HIBADH: variants seen among roughly 807,000 people sequenced by gnomAD.
HIBADH encodes 3-hydroxyisobutyrate dehydrogenase, also known as 3-hydroxyisobutyrate dehydrogenase, mitochondrial.
Under a neutral mutation model 36.1 loss-of-function variants are expected in HIBADH, and 25 were observed. The observed-to-expected ratio is 0.69, with a 90% CI of 0.50 to 0.97. HIBADH has a LOEUF of 0.97. HIBADH is among the 50% of genes least tolerant of loss of function. The pLI is 0.00. For synonymous variants in HIBADH, 160 were observed against 149.5 expected, an observed-to-expected ratio of 1.07 and a Z score of -0.51; for missense variants, 421 against 418.0, an observed-to-expected ratio of 1.01 and a Z score of -0.06.
At chr7:27,637,617 A>C (rs532704652) in intron 2 of HIBADH, among the ~76,000 whole-genome samples, 42 of 152,270 alleles carry the variant, frequency 2.8e-4, no homozygotes, top group African/African-American at 9.1e-4. Context: ...GCAAGAAATA[A>C]AAGGCATTCA....
At chr7:27,658,762 G>A (rs1042743442) in intron 1 of HIBADH, among the ~76,000 whole-genome samples, 5 of 152,060 alleles carry the variant, frequency 3.3e-5, no homozygotes, top group East Asian at 1.9e-4. Flanking sequence ...TCTATACAAT[G>A]TATGTCTATT....
chr7:27,533,115 T>G (rs1313317483), intron 6 of HIBADH, among the ~76,000 whole-genome samples: 1 of 152,166 alleles, frequency 6.6e-6, no homozygotes, highest in Admixed American at 6.6e-5. Flanking sequence ...TTCATCATAT[T>G]TAAAGCAGCA....
chr7:27,621,761 C>T (rs960265987), intron 4 of HIBADH, among the ~76,000 whole-genome samples: 6 of 152,182 alleles, frequency 3.9e-5, no homozygotes, highest in African/African-American at 1.4e-4. Flanking sequence ...CACTGCATTA[C>T]AGCCTGGGTG....
At chr7:27,587,169 A>G (rs572885454) in intron 4 of HIBADH, among the ~76,000 whole-genome samples, 8 of 152,344 alleles carry the variant, frequency 5.3e-5, no homozygotes, top group Non-Finnish European at 8.8e-5. Context: ...TGCTCACCAA[A>G]AAGTACCTCA....
At chr7:27,577,650 C>G (rs905744142) in intron 4 of HIBADH, among the ~76,000 whole-genome samples, 1 of 152,154 alleles carries the variant, frequency 6.6e-6, no homozygotes, top group African/African-American at 2.4e-5. Flanking sequence ...AAAGAGAAGA[C>G]TTTGGGTGTG....
At chr7:27,631,218 G>C (rs1034015328) in intron 3 of HIBADH, among the ~76,000 whole-genome samples, 1 of 152,148 alleles carries the variant, frequency 6.6e-6, no homozygotes, top group African/African-American at 2.4e-5. Flanking sequence ...ACTGTAACAG[G>C]CTAGGTAACA....
intron 4 of HIBADH, among the ~76,000 whole-genome samples, chr7:27,620,388 C>G (rs1045886050): frequency 6.6e-6 from 1 of 151,898 alleles, no homozygotes; most frequent in South Asian, 2.1e-4. Flanking sequence ...ATAAAGGGAC[C>G]CCCATAAGAC....
chr7:27,570,814 G>GT (rs1554296787), intron 4 of HIBADH, among the ~76,000 whole-genome samples: 1 of 151,902 alleles, frequency 6.6e-6, no homozygotes, highest in African/African-American at 2.4e-5. Flanking sequence ...TTGGTACTGC[G>GT]TAGTTTTACT....
At chr7:27,574,349 G>C (rs1562627010) in intron 4 of HIBADH, among the ~76,000 whole-genome samples, 1 of 151,752 alleles carries the variant, frequency 6.6e-6, no homozygotes, top group African/African-American at 2.4e-5. Flanking sequence ...ATCCCACGAA[G>C]AATCTCTGAA....
chr7:27,615,227 A>G (rs1270685431), intron 4 of HIBADH, among the ~76,000 whole-genome samples: 1 of 152,254 alleles, frequency 6.6e-6, no homozygotes, highest in African/African-American at 2.4e-5. Context: ...AGAAGACAGG[A>G]GGCCACCAAG....
chr7:27,613,622 T>C (rs1006816888), intron 4 of HIBADH, among the ~76,000 whole-genome samples: 1 of 150,880 alleles, frequency 6.6e-6, no homozygotes, highest in African/African-American at 2.4e-5. Context: ...GCTGTATAGA[T>C]TAAATCTAGT....
At chr7:27,526,564 C>G (rs1659003849) in intron 7 of HIBADH, among the ~76,000 whole-genome samples, 192 bp from the exon 8 acceptor site, 1 of 152,120 alleles carries the variant, frequency 6.6e-6, no homozygotes, top group Non-Finnish European at 1.5e-5. Context: ...CAGACAGAAA[C>G]CTTGATTTCT....
intron 4 of HIBADH, among the ~76,000 whole-genome samples, chr7:27,604,503 G>A (rs1049249334): frequency 1.3e-5 from 2 of 151,642 alleles, no homozygotes; most frequent in Admixed American, 1.3e-4. Flanking sequence ...AAGCCAAGAA[G>A]CAATTCATGG....
intron 1 of HIBADH, among the ~76,000 whole-genome samples, chr7:27,659,600 T>C (rs1026338733): frequency 2.0e-5 from 3 of 152,118 alleles, no homozygotes; most frequent in Admixed American, 2.0e-4. Context: ...TGTGCACCTG[T>C]GGTCCCAGCT....
chr7:27,565,356 G>A (rs983996187), intron 4 of HIBADH, among the ~76,000 whole-genome samples: 1 of 152,146 alleles, frequency 6.6e-6, no homozygotes, highest in African/African-American at 2.4e-5. Context: ...GTGTGACACG[G>A]CCCCTCCTCT....
At chr7:27,649,406 A>G in intron 2 of HIBADH, 67 bp downstream of exon 2, 2 of 1,283,408 alleles carry the variant, frequency 1.6e-6, no homozygotes, top group Non-Finnish European at 2.2e-6. Flanking sequence ...AGAAGCTGTC[A>G]CTTATTTGAA....
At chr7:27,652,402 GC>G (rs11343650) in intron 1 of HIBADH, among the ~76,000 whole-genome samples, 18,640 of 152,174 alleles carry the variant, frequency 0.12, 1,261 homozygotes, top group Middle Eastern at 0.16. Context: ...GAAACAGTGG[GC>G]AAGAGAAATG....
intron 4 of HIBADH, among the ~76,000 whole-genome samples, chr7:27,592,133 T>C (rs1046989200): frequency 4.6e-5 from 7 of 152,240 alleles, no homozygotes; most frequent in Non-Finnish European, 8.8e-5. Flanking sequence ...AAAACATAAT[T>C]TGAACCTCAC....
intron 4 of HIBADH, among the ~76,000 whole-genome samples, chr7:27,563,685 C>T (rs535580603): frequency 4.6e-5 from 7 of 152,042 alleles, no homozygotes; most frequent in Non-Finnish European, 7.4e-5. Flanking sequence ...TGCTTATTTG[C>T]CAACCATGTA....
Sources: allele counts gnomAD v4.1 joint callset (sites outside exome capture counted in the v4.1 genomes callset), GRCh38; gene constraint gnomAD v4.1.1; transcripts MANE v1.5; gene names NCBI Gene and HGNC (gene_info 2026-07-23, HGNC 2026-07-21).